SLC9A9: variants seen among roughly 807,000 people sequenced by gnomAD.
SLC9A9 encodes the protein solute carrier family 9 member A9, also known as sodium/hydrogen exchanger 9.
Under a neutral mutation model 77.8 loss-of-function variants are expected in SLC9A9, and 62 were observed. The observed-to-expected ratio is 0.80, with a 90% confidence interval of 0.65 to 0.98. The LOEUF is 0.98. SLC9A9 is among the 50% of genes least tolerant of loss of function. SLC9A9 has a pLI of 0.00. For missense variants in SLC9A9, 775 were observed against 774.9 expected (o/e 1.00, Z 0.00); for synonymous variants, 320 against 283.5 (o/e 1.13, Z -1.29).
chr3:143,350,896 C>T (rs1463725827), intron 14 of SLC9A9, among the ~76,000 whole-genome samples: 1 of 152,116 alleles, frequency 6.6e-6, no homozygotes, highest in Non-Finnish European at 1.5e-5. Flanking sequence ...AGTCAAATTC[C>T]ATCTTTTTCT....
chr3:143,778,037 C>CAAACAAAAAAAAA (rs2007753038), intron 4 of SLC9A9, among the ~76,000 whole-genome samples: 1 of 75,572 alleles, frequency 1.3e-5, no homozygotes, highest in Non-Finnish European at 2.4e-5. Context: ...TTATAAAATG[C>CAAACAAAAAAAAA]AAAAAAAAAA....
At chr3:143,744,109 T>C (rs1017104047) in intron 4 of SLC9A9, among the ~76,000 whole-genome samples, 6 of 152,276 alleles carry the variant, frequency 3.9e-5, no homozygotes, top group Middle Eastern at 3.4e-3. Context: ...ACTGATAACA[T>C]AGAATTCAAA....
At chr3:143,621,290 G>A (rs941360358) in intron 6 of SLC9A9, among the ~76,000 whole-genome samples, 2 of 152,218 alleles carry the variant, frequency 1.3e-5, no homozygotes, top group African/African-American at 4.8e-5. Flanking sequence ...CATGCAGCTG[G>A]AGATCTGAGA....
rs932418155 is a variant in SLC9A9, at chr3:143,784,570, G to A, written c.533+10431C>T. Among the ~76,000 whole-genome samples the A allele has an allele frequency of 2.7e-5, 4 of 150,676 alleles. No homozygotes were observed. The East Asian group carries it at 5.8e-4, about 22-fold the overall frequency. ...ATGGGGGTTTTACCATGTTGCCCTG[G>A]CTGGTCTCTAACTCCTGGGCTCAAG... On this transcript the variant is annotated intron_variant, in intron 4 of 15. Coordinates refer to ENST00000316549, the MANE Select transcript of SLC9A9 (RefSeq NM_173653.4).
chr3:143,530,473 C>T lies in SLC9A9; in HGVS notation c.1089+21889G>A, dbSNP rs558614988. Among the ~76,000 whole-genome samples, 44 of 152,244 alleles carry T rather than the reference C, an allele frequency of 2.9e-4. No homozygotes were observed. The South Asian group carries it at 3.1e-3, about 11-fold the overall frequency. On this transcript the variant is annotated intron_variant, in intron 9 of 15. Transcript: ENST00000316549. ...CATGATTGTGAGGCCTCCCTAGCCACGCAGAGCTGTGAGTCCATTAAACCT... is the reference window on the plus strand; with the variant it reads ...CATGATTGTGAGGCCTCCCTAGCCATGCAGAGCTGTGAGTCCATTAAACCT...
chr3:143,302,932 C>T (rs1175442109), intron 14 of SLC9A9, among the ~76,000 whole-genome samples: 1 of 152,176 alleles, frequency 6.6e-6, no homozygotes, highest in African/African-American at 2.4e-5. Flanking sequence ...GTTACAAGTC[C>T]ATCTCAGTTA....
intron 9 of SLC9A9, among the ~76,000 whole-genome samples, chr3:143,512,269 G>C (rs72991965): frequency 0.02 from 3,092 of 152,260 alleles, 100 homozygotes; most frequent in African/African-American, 0.069. Flanking sequence ...GATCTAAAAC[G>C]TTGAACTGAG....
intron 5 of SLC9A9, among the ~76,000 whole-genome samples, chr3:143,654,319 C>T (rs1305733401): frequency 1.3e-5 from 2 of 152,200 alleles, no homozygotes; most frequent in African/African-American, 4.8e-5. Flanking sequence ...AAAGAAAATG[C>T]CATATGAATT....
At chr3:143,780,889 T>G (rs2007851495) in intron 4 of SLC9A9, among the ~76,000 whole-genome samples, 1 of 152,222 alleles carries the variant, frequency 6.6e-6, no homozygotes. Flanking sequence ...GTGTACAAAA[T>G]TTATAACATA....
At chr3:143,483,118 A>G (rs1256840910) in intron 11 of SLC9A9, among the ~76,000 whole-genome samples, 1 of 152,248 alleles carries the variant, frequency 6.6e-6, no homozygotes, top group Non-Finnish European at 1.5e-5. Context: ...AAAACTTCTC[A>G]AGACAGAGGA....
intron 11 of SLC9A9, among the ~76,000 whole-genome samples, chr3:143,469,660 A>G (rs2035344092): frequency 6.6e-6 from 1 of 152,212 alleles, no homozygotes; most frequent in African/African-American, 2.4e-5. Flanking sequence ...TCAAGAGACA[A>G]GTGGCATAAC....
intron 2 of SLC9A9, among the ~76,000 whole-genome samples, chr3:143,820,285 G>A (rs11917152): frequency 0.35 from 52,653 of 152,002 alleles, 9,793 homozygotes; most frequent in African/African-American, 0.5. Flanking sequence ...CACCCACTCA[G>A]CTGCTGAATT....
intron 1 of SLC9A9, among the ~76,000 whole-genome samples, chr3:143,840,082 C>T (rs1246842431): frequency 6.6e-6 from 1 of 152,176 alleles, no homozygotes; most frequent in Non-Finnish European, 1.5e-5. Context: ...ATCAGAACCT[C>T]CTGGAAAGTT....
chr3:143,713,244 A>G (rs898595752), intron 4 of SLC9A9, among the ~76,000 whole-genome samples: 2 of 152,212 alleles, frequency 1.3e-5, no homozygotes, highest in Non-Finnish European at 2.9e-5. Flanking sequence ...AGACCTTGGG[A>G]CATACTAAAT....
chr3:143,347,496 C>T (rs940345943), intron 14 of SLC9A9, among the ~76,000 whole-genome samples: 1 of 152,102 alleles, frequency 6.6e-6, no homozygotes, highest in African/African-American at 2.4e-5. Context: ...TTTGGCTAAA[C>T]CAGAAATTAG....
chr3:143,364,192 TG>T (rs2032833390), intron 13 of SLC9A9, among the ~76,000 whole-genome samples: 1 of 151,308 alleles, frequency 6.6e-6, no homozygotes, highest in East Asian at 1.9e-4. Context: ...AAGTGTTTGA[TG>T]GGTGTTTTTG....
intron 9 of SLC9A9, among the ~76,000 whole-genome samples, chr3:143,523,943 A>G (rs1428396070): frequency 1.1e-4 from 17 of 152,222 alleles, no homozygotes; most frequent in Non-Finnish European, 1.9e-4. Flanking sequence ...ACCTAAGTCA[A>G]ACAATGATAT....
intron 6 of SLC9A9, among the ~76,000 whole-genome samples, chr3:143,638,043 C>A (rs1434900252): frequency 6.6e-6 from 1 of 152,088 alleles, no homozygotes; most frequent in African/African-American, 2.4e-5. Flanking sequence ...GAACAATAAA[C>A]AATATCTGAA....
intron 5 of SLC9A9, among the ~76,000 whole-genome samples, chr3:143,661,087 G>A (rs4839651): frequency 2.6e-5 from 4 of 152,038 alleles, no homozygotes; most frequent in East Asian, 3.9e-4. Context: ...GTGCAATCAC[G>A]GTGAAGAATT....
Sources: allele counts gnomAD v4.1 joint callset (sites outside exome capture counted in the v4.1 genomes callset), GRCh38; gene constraint gnomAD v4.1.1; transcripts MANE v1.5; gene names NCBI Gene and HGNC (gene_info 2026-07-23, HGNC 2026-07-21).